Variants in HERC5 observed in about 807,000 individuals in gnomAD.
HERC5 encodes E3 ISG15--protein ligase HERC5.
In HERC5, 99 loss-of-function variants were observed where a neutral mutation model predicts 119.6. The observed-to-expected ratio is 0.83, with a 90% confidence interval of 0.70 to 0.98. The LOEUF is 0.98. Among genes scored for constraint, HERC5 ranks in the 50% least tolerant of loss-of-function variants. The pLI, the probability that HERC5 is intolerant of heterozygous loss-of-function variation, is 0.00. For missense variants in HERC5, 1,267 were observed against 1,241.3 expected (o/e 1.02, Z -0.31); for synonymous variants, 478 against 445.9 (o/e 1.07, Z -0.91).
chr4:88,460,237 G>A (rs770026200), intron 3 of HERC5, 66 bp downstream of exon 3: 19 of 750,238 alleles, frequency 2.5e-5, no homozygotes, highest in Non-Finnish European at 3.8e-5. Context: ...GGAGCCAGTA[G>A]AATGTCTATA....
Position 88,462,226 on chromosome 4 carries a change from G to C in HERC5, c.558G>C (p.Glu186Asp). The change falls in exon 4 of 23, where the codon GAG (glutamate) becomes GAC (aspartate). Residue 186 changes from glutamate to aspartate, a missense_variant. By Grantham distance (45) the Glu-to-Asp change is conservative. Transcript: ENST00000264350. Reference sequence around the variant, plus strand: ...CAACCACCACACCACAGATTGTGGAGCACCTCGCAGGAGTACCCTTGGCTC... The same window carrying C: ...CAACCACCACACCACAGATTGTGGACCACCTCGCAGGAGTACCCTTGGCTC... Reference protein sequence around the residue: ...FPSTTTPQIVEHLAGVPLAQI... With the variant: ...FPSTTTPQIVDHLAGVPLAQI... 1 of 1,614,212 alleles carries C rather than the reference G, an allele frequency of 6.2e-7. No individual in the cohort carries two copies. Among genetic ancestry groups the C allele is most frequent in the Non-Finnish European group, 8.5e-7 (1 of 1,180,036 alleles).
chr4:88,506,103 C>A lies in HERC5; in HGVS notation c.*225C>A. 1 of 473,476 alleles carries A rather than the reference C, an allele frequency of 2.1e-6. No homozygotes were observed. Among genetic ancestry groups the A allele is most frequent in the Non-Finnish European group, 3.7e-6 (1 of 270,118 alleles). The allele number at this position is 473,476 out of a possible 1,614,324, so 29.3% of individuals were successfully genotyped here. On this transcript the variant is annotated 3_prime_UTR_variant, in exon 23 of 23. Transcript: ENST00000264350. Reference sequence around the variant, plus strand: ...TCTCCCTTGGATACCCCTATGCCTACATCATATTCCTTACCTCTTTTGGGA... The same window carrying A: ...TCTCCCTTGGATACCCCTATGCCTAAATCATATTCCTTACCTCTTTTGGGA...
At chr4:88,469,330 C>A in intron 9 of HERC5, 70 bp downstream of exon 9, 1 of 1,013,258 alleles carries the variant, frequency 9.9e-7, no homozygotes, top group Non-Finnish European at 1.6e-6. Flanking sequence ...TGGTTCTGCA[C>A]AGCAATATGA....
rs761514049 is a variant in HERC5, at chr4:88,496,877, A to G, written c.2444+2546A>G. On this transcript the variant is annotated intron_variant, in intron 18 of 22. Coordinates refer to ENST00000264350, the MANE Select transcript of HERC5 (RefSeq NM_016323.4). ...TCTGAATGTGTCCCCCACAAAATTCATATTTTGAAGCCTCATCCCCAGTGT... is the reference window on the plus strand; with the variant it reads ...TCTGAATGTGTCCCCCACAAAATTCGTATTTTGAAGCCTCATCCCCAGTGT... 2.6e-5 allele frequency among the ~76,000 whole-genome samples: 4 copies of G among 152,226 alleles called. No individual in the cohort carries two copies. In the East Asian group the frequency reaches 7.7e-4, roughly 29 times the overall value.
intron 6 of HERC5, among the ~76,000 whole-genome samples, chr4:88,465,737 A>G (rs1180876162): frequency 1.3e-5 from 2 of 152,228 alleles, no homozygotes; most frequent in East Asian, 3.8e-4. Context: ...TCACGAACTT[A>G]CTAAAAGCTA....
At chr4:88,461,357 A>C (rs1479418541) in intron 3 of HERC5, among the ~76,000 whole-genome samples, 1 of 152,184 alleles carries the variant, frequency 6.6e-6, no homozygotes. Context: ...GGATATTCAG[A>C]GTTTATTACT....
At chr4:88,462,421 C>G (rs2149084786) in intron 4 of HERC5, 65 bp downstream of exon 4, 1 of 1,333,520 alleles carries the variant, frequency 7.5e-7, no homozygotes, top group Non-Finnish European at 1.1e-6. Context: ...TTTAATGGAC[C>G]TCCCTGTCAA....
intron 13 of HERC5, among the ~76,000 whole-genome samples, chr4:88,483,224 T>C (rs928264879): frequency 6.6e-6 from 1 of 152,116 alleles, no homozygotes; most frequent in Admixed American, 6.5e-5. Context: ...TTGTTGTTGT[T>C]GTTTTGAGTT....
At chr4:88,502,224 G>A (rs1408622575) in intron 20 of HERC5, among the ~76,000 whole-genome samples, 2 of 152,212 alleles carry the variant, frequency 1.3e-5, no homozygotes, top group Non-Finnish European at 2.9e-5. Flanking sequence ...ATGTAACTGG[G>A]AGAAGTGCTT....
At chr4:88,492,701 A>G (rs1468474960) in intron 16 of HERC5, among the ~76,000 whole-genome samples, 1 of 152,090 alleles carries the variant, frequency 6.6e-6, no homozygotes, top group Non-Finnish European at 1.5e-5. Flanking sequence ...AGCCGAGATC[A>G]GACCACTGCA....
Position 88,487,042 on chromosome 4 carries a change from C to A in HERC5, c.1852-27C>A, listed in dbSNP as rs373361082. 321 of 1,488,136 alleles carry A rather than the reference C, an allele frequency of 2.2e-4. 2 individuals carry two copies. Among genetic ancestry groups the A allele is most frequent in the Non-Finnish European group, 2.5e-4 (266 of 1,071,402 alleles). The allele number at this position is 1,488,136 out of a possible 1,614,324, so 92.2% of individuals were successfully genotyped here. Reference sequence around the variant, plus strand: ...AAGGTTTCTCTGTCCTTTAACTTATCAGAATTATTGTCATTTCCATTTTTA... The same window carrying A: ...AAGGTTTCTCTGTCCTTTAACTTATAAGAATTATTGTCATTTCCATTTTTA... On this transcript the variant is annotated intron_variant, in intron 14 of 22. Transcript: ENST00000264350.
intron 10 of HERC5, among the ~76,000 whole-genome samples, chr4:88,471,924 CCCG>C (rs1740882137): frequency 6.7e-6 from 1 of 149,630 alleles, no homozygotes; most frequent in African/African-American, 2.5e-5. Context: ...TTTTCTATGG[CCCG>C]CCCTTCTTCC....
intron 7 of HERC5, among the ~76,000 whole-genome samples, chr4:88,467,644 C>T (rs1740719087): frequency 6.6e-6 from 1 of 152,238 alleles, no homozygotes; most frequent in South Asian, 2.1e-4. Flanking sequence ...TGTTATCTCA[C>T]CAATCCTTGT....
chr4:88,492,653 G>A lies in HERC5; in HGVS notation c.2134-359G>A, dbSNP rs530766648. Among the ~76,000 whole-genome samples the A allele has an allele frequency of 1.1e-4, 16 of 152,078 alleles. No individual in the cohort carries two copies. In the South Asian group the frequency reaches 3.3e-3, roughly 32 times the overall value. On this transcript the variant is annotated intron_variant, in intron 16 of 22. Transcript: ENST00000264350. The stretch of plus-strand genomic sequence containing the variant: ...CCCAGCTACTCTGGGGGCTGAGGCA[G>A]GAGAATCGCTTAAACCCAGGAGGCG...
At chr4:88,492,958 T>G (rs1452687563) in intron 16 of HERC5, 54 bp from the exon 17 acceptor site, 1 of 1,550,228 alleles carries the variant, frequency 6.5e-7, no homozygotes, top group African/African-American at 1.4e-5. Context: ...TGAGACTTCA[T>G]ATATAGCAAT....
intron 12 of HERC5, among the ~76,000 whole-genome samples, chr4:88,477,267 GAGGGA>G (rs1560605355): frequency 8.9e-5 from 1 of 11,242 alleles, no homozygotes; most frequent in Non-Finnish European, 1.5e-4. Flanking sequence ...AGGGGGAGGG[GAGGGA>G]AGGGGAAGGG....
In HERC5 at chr4:88,489,168, TA is replaced by T; in HGVS notation, c.1971del (p.Lys657AsnfsTer21). ...HTDTLLKIES[K>X]KHKAYLRSAA... ...TATTTCTGTTTCTGTTTTCCTAGAG[TA>T]AAAAACATAAAGCTTATCTTAGGTC... is the stretch of plus-strand genomic sequence containing the variant. On this transcript the variant is annotated frameshift_variant, in exon 16 of 23. Transcript: ENST00000264350. LOFTEE classifies it high-confidence loss of function. 6.2e-7 allele frequency: 1 copy of T among 1,600,324 alleles called. No homozygotes were observed. Among genetic ancestry groups the T allele is most frequent in the Non-Finnish European group, 8.5e-7 (1 of 1,175,758 alleles).
intron 20 of HERC5, among the ~76,000 whole-genome samples, chr4:88,501,763 G>GT (rs1480647546): frequency 6.6e-6 from 1 of 152,030 alleles, no homozygotes; most frequent in Non-Finnish European, 1.5e-5. Context: ...ATATAGTTGT[G>GT]TATTGTATGA....
chr4:88,468,606 A>AT (rs1261956050), intron 8 of HERC5, among the ~76,000 whole-genome samples, 184 bp downstream of exon 8: 1 of 152,168 alleles, frequency 6.6e-6, no homozygotes, highest in Admixed American at 6.5e-5. Flanking sequence ...AAATCAGCAG[A>AT]TTTTTCTCTG....
Sources: allele counts gnomAD v4.1 joint callset (sites outside exome capture counted in the v4.1 genomes callset), GRCh38; gene constraint gnomAD v4.1.1; transcripts MANE v1.5; gene names NCBI Gene and HGNC (gene_info 2026-07-23, HGNC 2026-07-21).